CHST9: variants seen among roughly 807,000 people sequenced by gnomAD.
CHST9 encodes the protein GalNAc-4-sulfotransferase 2.
CHST9 carries 41 observed loss-of-function variants against 44.4 expected under a neutral mutation model. The ratio of observed to expected loss-of-function variants is 0.92; its 90% CI spans 0.72 to 1.20. The LOEUF is 1.20. Ranked by LOEUF, CHST9 falls within the 50% of genes most tolerant of loss-of-function variation. The pLI, the probability that CHST9 is intolerant of heterozygous loss-of-function variation, is 0.00. For synonymous variants in CHST9, 171 were observed against 178.4 expected (o/e 0.96, Z 0.33); for missense variants, 504 against 516.5 (o/e 0.98, Z 0.23).
At chr18:27,184,514 C>A (rs965007043) in intron 1 of CHST9, among the ~76,000 whole-genome samples, 14 of 152,068 alleles carry the variant, frequency 9.2e-5, no homozygotes, top group African/African-American at 3.4e-4. Flanking sequence ...CTCAGATCGC[C>A]CCTCCCAACC....
At chr18:27,102,759 T>C (rs1451562160) in intron 2 of CHST9, among the ~76,000 whole-genome samples, 1 of 152,192 alleles carries the variant, frequency 6.6e-6, no homozygotes, top group East Asian at 1.9e-4. Flanking sequence ...ACAGTATTCA[T>C]TCCTGTGATT....
At chr18:27,143,493 A>G (rs886545573) in intron 1 of CHST9, among the ~76,000 whole-genome samples, 4 of 152,200 alleles carry the variant, frequency 2.6e-5, no homozygotes, top group African/African-American at 9.6e-5. Context: ...ACCTCAGATT[A>G]CAGAAATCTA....
At chr18:26,961,862 G>A (rs1004421533) in intron 4 of CHST9, among the ~76,000 whole-genome samples, 2 of 152,166 alleles carry the variant, frequency 1.3e-5, no homozygotes, top group Non-Finnish European at 2.9e-5. Context: ...TAGGACAGGC[G>A]TTCCTTCATT....
intron 2 of CHST9, among the ~76,000 whole-genome samples, chr18:27,053,130 GGAAGAAGAAGAAGAAGAAGAAGAA>G (rs200427246): frequency 2.9e-4 from 21 of 71,236 alleles, no homozygotes; most frequent in African/African-American, 7.8e-4. Flanking sequence ...AGGAAGAAGA[GGAAGAAGAAGAAGAAGAAGAAGAA>G]GAAGAAGAAG....
intron 2 of CHST9, among the ~76,000 whole-genome samples, chr18:27,068,668 T>C (rs1414462697): frequency 6.6e-6 from 1 of 152,206 alleles, no homozygotes; most frequent in Non-Finnish European, 1.5e-5. Context: ...TACCCTATAT[T>C]CATTCACATA....
chr18:26,915,320 C>G lies in CHST9; in HGVS notation c.*939G>C. On this transcript the variant is annotated 3_prime_UTR_variant, in exon 6 of 6. Coordinates refer to ENST00000618847, the MANE Select transcript of CHST9 (RefSeq NM_031422.6). ...AAAGCTATTCTTAGGGTGTATTCCA[C>G]ATATAAAGCTATGCACATGATGCTT... 4.5e-6 allele frequency: 1 copy of G among 219,838 alleles called. No individual in the cohort carries two copies. 13.6% of individuals were successfully genotyped at this position (219,838 alleles called of 1,614,324 possible).
intron 2 of CHST9, among the ~76,000 whole-genome samples, chr18:27,135,794 C>T (rs971246351): frequency 9.2e-5 from 14 of 151,636 alleles, no homozygotes; most frequent in African/African-American, 3.4e-4. Flanking sequence ...AACCACTGAT[C>T]TAACTGCTTT....
At chr18:27,028,141 C>T (rs377653040) in intron 3 of CHST9, among the ~76,000 whole-genome samples, 1 of 152,156 alleles carries the variant, frequency 6.6e-6, no homozygotes. Context: ...GTCTCAAACT[C>T]TTGACCTTGT....
At chr18:26,981,765 T>C (rs2056694816) in intron 4 of CHST9, among the ~76,000 whole-genome samples, 1 of 152,218 alleles carries the variant, frequency 6.6e-6, no homozygotes, top group Non-Finnish European at 1.5e-5. Flanking sequence ...TACTATTAAA[T>C]TGAAAGCTAA....
At chr18:27,156,688 AT>A (rs1341853411) in intron 1 of CHST9, among the ~76,000 whole-genome samples, 1 of 152,138 alleles carries the variant, frequency 6.6e-6, no homozygotes, top group Non-Finnish European at 1.5e-5. Flanking sequence ...CTAGAAAGTC[AT>A]TATGATCTCC....
intron 4 of CHST9, among the ~76,000 whole-genome samples, chr18:27,015,411 G>A (rs760484795): frequency 5.9e-5 from 9 of 151,320 alleles, no homozygotes; most frequent in Non-Finnish European, 1.2e-4. Flanking sequence ...CTGAGAAGAG[G>A]AAAGCAAATG....
intron 2 of CHST9, among the ~76,000 whole-genome samples, chr18:27,073,387 C>T (rs72882361): frequency 0.15 from 19,057 of 123,554 alleles, 1,425 homozygotes; most frequent in Middle Eastern, 0.32. Flanking sequence ...GCACTGGTAG[C>T]GCCCAGCTGA....
intron 1 of CHST9, among the ~76,000 whole-genome samples, chr18:27,148,424 C>T (rs1234344191): frequency 9.4e-6 from 1 of 106,638 alleles, no homozygotes; most frequent in Non-Finnish European, 1.8e-5. Context: ...CACCCCACAA[C>T]AGTCCCCCGT....
intron 4 of CHST9, among the ~76,000 whole-genome samples, chr18:26,978,503 A>C (rs2056652511): frequency 6.6e-6 from 1 of 152,202 alleles, no homozygotes; most frequent in African/African-American, 2.4e-5. Context: ...GAACCCACTT[A>C]GATGAAAAAT....
intron 4 of CHST9, among the ~76,000 whole-genome samples, chr18:26,974,340 A>G (rs1171917711): frequency 1.3e-5 from 2 of 152,258 alleles, no homozygotes; most frequent in Non-Finnish European, 2.9e-5. Flanking sequence ...TCTAGTCACT[A>G]TCAGTGTTCC....
chr18:27,058,737 G>A (rs927400252), intron 2 of CHST9, among the ~76,000 whole-genome samples: 8 of 152,244 alleles, frequency 5.3e-5, no homozygotes, highest in African/African-American at 1.9e-4. Context: ...TTTAGAAGGA[G>A]ATTTTCCAGC....
chr18:26,940,325 C>T (rs1283997902), intron 5 of CHST9, among the ~76,000 whole-genome samples: 4 of 152,092 alleles, frequency 2.6e-5, no homozygotes, highest in Non-Finnish European at 5.9e-5. Context: ...TGTGTCTTAA[C>T]CCAAGTCTAG....
chr18:26,926,485 G>T (rs781283059), intron 5 of CHST9, among the ~76,000 whole-genome samples: 1 of 152,130 alleles, frequency 6.6e-6, no homozygotes, highest in Non-Finnish European at 1.5e-5. Context: ...AGTAGATAAG[G>T]CTACTCCCCA....
chr18:26,916,989 T>G lies in CHST9; in HGVS notation c.602A>C (p.His201Pro). 6.2e-7 allele frequency: 1 copy of G among 1,613,958 alleles called. No homozygotes were observed. The highest frequency in any genetic ancestry group is 2.2e-5 in the East Asian group (1 of 44,870). ...TTCTACATAGATTCTGGATACTGTA[T>G]GAAAAAGATGTGACTGATGATGACT... ...GVSHHQSHLF[H>P]TVSRIYVEDK... The change falls in exon 6 of 6, where the codon CAT becomes CCT. Residue 201 changes from histidine to proline, a missense_variant. Physicochemically the swap from His to Pro is moderately conservative, Grantham distance 77. Coordinates refer to ENST00000618847, the MANE Select transcript of CHST9 (RefSeq NM_031422.6).
Sources: allele counts gnomAD v4.1 joint callset (sites outside exome capture counted in the v4.1 genomes callset), GRCh38; gene constraint gnomAD v4.1.1; transcripts MANE v1.5; gene names NCBI Gene and HGNC (gene_info 2026-07-23, HGNC 2026-07-21).